The following SEMA3E variants were observed in gnomAD, a reference collection of about 807,000 sequenced individuals.
SEMA3E encodes semaphorin-3E.
A neutral mutation model predicts 93.6 loss-of-function variants in SEMA3E; 49 were observed. That is an observed-to-expected ratio of 0.52 (90% confidence interval 0.42 to 0.66). The LOEUF is 0.66. Ranked by LOEUF, SEMA3E falls within the 30% of genes least tolerant of loss-of-function variation. The probability of loss-of-function intolerance (pLI) is 0.00; values close to 1 mark genes in which losing one functional copy is unlikely to be tolerated. For synonymous variants in SEMA3E, 363 were observed against 330.7 expected (o/e 1.10, Z -1.06); for missense variants, 906 against 964.8 (o/e 0.94, Z 0.81).
chr7:83,427,236 CTCTT>C (rs780054447), intron 4 of SEMA3E, among the ~76,000 whole-genome samples: 87 of 148,304 alleles, frequency 5.9e-4, no homozygotes, highest in Non-Finnish European at 8.4e-4. Context: ...TCCTTCCTTT[CTCTT>C]TCTTTTTCTT....
intron 4 of SEMA3E, among the ~76,000 whole-genome samples, chr7:83,463,046 C>G (rs1018216901): frequency 1.3e-5 from 2 of 148,500 alleles, no homozygotes. Context: ...AGACAGCCCC[C>G]GTTACTTCAA....
chr7:83,505,035 A>G (rs1790667810), intron 1 of SEMA3E, among the ~76,000 whole-genome samples: 1 of 152,154 alleles, frequency 6.6e-6, no homozygotes. Context: ...AAGAAGTTGT[A>G]TAAATTATAT....
chr7:83,607,680 G>A (rs1007705954), intron 1 of SEMA3E, among the ~76,000 whole-genome samples: 5 of 152,174 alleles, frequency 3.3e-5, no homozygotes, highest in Admixed American at 2.6e-4. Flanking sequence ...AGAAGTAAAT[G>A]TGGAGCTGAA....
chr7:83,423,822 A>T (rs1449429010), intron 4 of SEMA3E, among the ~76,000 whole-genome samples: 1 of 152,026 alleles, frequency 6.6e-6, no homozygotes, highest in Non-Finnish European at 1.5e-5. Flanking sequence ...CGATTTTAAA[A>T]ATAGGGTACA....
intron 1 of SEMA3E, among the ~76,000 whole-genome samples, chr7:83,598,385 T>G (rs961569647): frequency 1.8e-4 from 28 of 152,228 alleles, no homozygotes; most frequent in African/African-American, 4.8e-4. Context: ...TGATGCCATT[T>G]TATTCTGTCG....
chr7:83,587,372 T>G (rs1792651420), intron 1 of SEMA3E, among the ~76,000 whole-genome samples: 1 of 152,170 alleles, frequency 6.6e-6, no homozygotes, highest in African/African-American at 2.4e-5. Context: ...GCTGTAGGTT[T>G]GGCATACCAG....
At position 83,460,691 on chromosome 7, in the gene SEMA3E, C is replaced by T. The variant is rs141332089; in HGVS notation, c.456+5791G>A. ...TCTGCGCCCCAATCCCTTATTTCTG[C>T]ACCCCAATCCCTTATTTCTGCGCCC... is the stretch of plus-strand genomic sequence containing the variant. On this transcript the variant is annotated intron_variant, in intron 4 of 16. Transcript: ENST00000643230. Among the ~76,000 whole-genome samples the T allele has an allele frequency of 6.0e-3, 891 of 148,904 alleles. 12 individuals carry two copies. The highest frequency in any genetic ancestry group is 0.02 in the African/African-American group (809 of 40,070).
chr7:83,647,122 CTT>C (rs754901922), intron 1 of SEMA3E, among the ~76,000 whole-genome samples: 6 of 152,060 alleles, frequency 3.9e-5, no homozygotes, highest in Non-Finnish European at 8.8e-5. Flanking sequence ...ATTTTAAACA[CTT>C]TACCAATTTA....
chr7:83,608,994 G>A (rs768369254), intron 1 of SEMA3E, among the ~76,000 whole-genome samples: 3 of 151,950 alleles, frequency 2.0e-5, no homozygotes, highest in Non-Finnish European at 4.4e-5. Flanking sequence ...AAATCTCTAC[G>A]TAACAAGAAA....
intron 1 of SEMA3E, among the ~76,000 whole-genome samples, chr7:83,524,087 A>G (rs1202550382): frequency 6.6e-6 from 1 of 152,152 alleles, no homozygotes; most frequent in African/African-American, 2.4e-5. Flanking sequence ...CAACAAGATT[A>G]CCTTAGTAAA....
At chr7:83,496,507 AAT>A (rs1491227240) in intron 1 of SEMA3E, among the ~76,000 whole-genome samples, 1 of 151,986 alleles carries the variant, frequency 6.6e-6, no homozygotes, top group Admixed American at 6.6e-5. Flanking sequence ...AATAATTACA[AAT>A]TTTTTTTGCT....
At chr7:83,452,630 C>T (rs1194237203) in intron 4 of SEMA3E, among the ~76,000 whole-genome samples, 1 of 152,174 alleles carries the variant, frequency 6.6e-6, no homozygotes, top group East Asian at 1.9e-4. Flanking sequence ...TTTCTAATAG[C>T]TTTCTTATAA....
intron 7 of SEMA3E, 53 bp downstream of exon 7, chr7:83,407,044 G>A (rs1584226855): frequency 1.2e-6 from 2 of 1,603,464 alleles, no homozygotes; most frequent in East Asian, 4.5e-5. Flanking sequence ...ACTTAATAAA[G>A]GCCTGACCAT....
At chr7:83,510,271 AG>A (rs1790790755) in intron 1 of SEMA3E, among the ~76,000 whole-genome samples, 1 of 152,194 alleles carries the variant, frequency 6.6e-6, no homozygotes, top group Non-Finnish European at 1.5e-5. Context: ...ATAGATAATA[AG>A]GCATTGTCTT....
chr7:83,516,548 T>C (rs931462068), intron 1 of SEMA3E, among the ~76,000 whole-genome samples: 2 of 152,200 alleles, frequency 1.3e-5, no homozygotes, highest in African/African-American at 2.4e-5. Context: ...TATTATTTGA[T>C]TTTGACATTG....
chr7:83,610,183 G>A (rs1396816708), intron 1 of SEMA3E, among the ~76,000 whole-genome samples: 1 of 151,970 alleles, frequency 6.6e-6, no homozygotes, highest in Non-Finnish European at 1.5e-5. Context: ...TGAAAAAGAT[G>A]TAGAAAGCTC....
intron 1 of SEMA3E, among the ~76,000 whole-genome samples, chr7:83,632,119 C>T (rs1410242748): frequency 6.7e-6 from 1 of 150,100 alleles, no homozygotes; most frequent in Non-Finnish European, 1.5e-5. Flanking sequence ...CACACCATTG[C>T]ACTCCAGCCT....
intron 1 of SEMA3E, among the ~76,000 whole-genome samples, chr7:83,630,940 T>C (rs1341331611): frequency 6.6e-6 from 1 of 152,198 alleles, no homozygotes; most frequent in Non-Finnish European, 1.5e-5. Context: ...CCATTTGACT[T>C]ACAAGGAGTT....
At chr7:83,394,212 G>A (rs1788072819) in intron 13 of SEMA3E, 85 bp downstream of exon 13, 4 of 1,376,390 alleles carry the variant, frequency 2.9e-6, no homozygotes, top group African/African-American at 1.4e-5. Flanking sequence ...TTAAGCACAT[G>A]TACTAATGTT....
Sources: allele counts gnomAD v4.1 joint callset (sites outside exome capture counted in the v4.1 genomes callset), GRCh38; gene constraint gnomAD v4.1.1; transcripts MANE v1.5; gene names NCBI Gene and HGNC (gene_info 2026-07-23, HGNC 2026-07-21).